Variants in DFFA observed in about 807,000 individuals in gnomAD.
DFFA encodes the protein DFF45.
A neutral mutation model predicts 28.0 loss-of-function variants in DFFA; 14 were observed. That is an observed-to-expected ratio of 0.50 (90% CI 0.33 to 0.78). The LOEUF is 0.78. DFFA is among the 30% of genes least tolerant of loss of function. The probability of loss-of-function intolerance (pLI) is 0.02; values close to 1 mark genes in which losing one functional copy is unlikely to be tolerated. For missense variants in DFFA, 395 were observed against 407.1 expected (o/e 0.97, Z 0.26); for synonymous variants, 158 against 170.3 (o/e 0.93, Z 0.56).
intron 3 of DFFA, among the ~76,000 whole-genome samples, chr1:10,465,450 G>A (rs951296752): frequency 1.3e-5 from 2 of 150,962 alleles, no homozygotes; most frequent in African/African-American, 4.9e-5. Context: ...ATTTTTAGTA[G>A]AGACGGGATT....
Position 10,459,599 on chromosome 1 carries a change from G to A in DFFA, c.*1891C>T, listed in dbSNP as rs559580429. ...CTGGAGAAACAAGATTGTGGCCATA[G>A]TCAACACTCTATAATGTCACCATCT... On this transcript the variant is annotated 3_prime_UTR_variant, in exon 6 of 6. Coordinates refer to ENST00000377038, the MANE Select transcript of DFFA (RefSeq NM_004401.3). 4 of 152,170 alleles carry A rather than the reference G, an allele frequency of 2.6e-5. No individual in the cohort carries two copies. The highest frequency in any genetic ancestry group is 2.1e-4 in the South Asian group (1 of 4,812). 9.4% of individuals were successfully genotyped at this position (152,170 alleles called of 1,614,324 possible).
In DFFA at chr1:10,470,770, A is replaced by G. The variant is rs143082645; in HGVS notation, c.137-1432T>C. ...CTCCTATGTGTAAAAATGTCAAAAAATACACCAAAAAGGCCAGGCACGGTG... is the reference window on the plus strand; with the variant it reads ...CTCCTATGTGTAAAAATGTCAAAAAGTACACCAAAAAGGCCAGGCACGGTG... On this transcript the variant is annotated intron_variant, in intron 1 of 5. Transcript: ENST00000377038. Among the ~76,000 whole-genome samples, 718 of 149,646 alleles carry G rather than the reference A, an allele frequency of 4.8e-3. 23 individuals are homozygous for G. The highest frequency in any genetic ancestry group is 0.044 in the Admixed American group (659 of 15,012).
chr1:10,466,952 CAAAAAAA>C (rs34597195), intron 3 of DFFA, among the ~76,000 whole-genome samples: 2 of 32,724 alleles, frequency 6.1e-5, no homozygotes, highest in African/African-American at 1.6e-4. Context: ...GACTGTGTCT[CAAAAAAA>C]AAAAAAAAAA....
At position 10,459,312 on chromosome 1, in the gene DFFA, C is replaced by T. The variant is rs563274991; in HGVS notation, c.*2178G>A. 7 of 152,338 alleles carry T rather than the reference C, an allele frequency of 4.6e-5. No homozygotes were observed. Among genetic ancestry groups the T allele is most frequent in the East Asian group, 3.9e-4 (2 of 5,192 alleles). 9.4% of individuals were successfully genotyped at this position (152,338 alleles called of 1,614,324 possible). ...TGTAGATTACCAAACCTGCAGAAGC[C>T]GTCTGTGTGGAGACAGGAGGAGGAC... On this transcript the variant is annotated 3_prime_UTR_variant, in exon 6 of 6. Transcript: ENST00000377038.
At chr1:10,469,114 G>C in intron 2 of DFFA, 63 bp downstream of exon 2, 2 of 1,511,228 alleles carry the variant, frequency 1.3e-6, no homozygotes, top group South Asian at 1.2e-5. Context: ...TCTGTGCAGT[G>C]AAAGTAATCA....
At chr1:10,466,509 G>A (rs986569411) in intron 3 of DFFA, among the ~76,000 whole-genome samples, 2 of 151,986 alleles carry the variant, frequency 1.3e-5, no homozygotes, top group African/African-American at 4.8e-5. Flanking sequence ...TTACTAGAGA[G>A]AAAACACAAG....
At chr1:10,469,036 G>T in intron 2 of DFFA, 141 bp downstream of exon 2, 1 of 870,534 alleles carries the variant, frequency 1.1e-6, no homozygotes, top group Non-Finnish European at 1.8e-6. Context: ...CACCATGTCT[G>T]GCACATAGAA....
chr1:10,457,452 C>T lies in DFFA; in HGVS notation c.*4038G>A, dbSNP rs916470369. The stretch of plus-strand genomic sequence containing the variant: ...CTTTGGGAGGCCAAGGCAGGTGGAT[C>T]ACTTGAGGTCAGGAGTTTGAGACCA... On this transcript the variant is annotated 3_prime_UTR_variant, in exon 6 of 6. Coordinates refer to ENST00000377038, the MANE Select transcript of DFFA (RefSeq NM_004401.3). The T allele has an allele frequency of 2.6e-4, 40 of 152,192 alleles. No homozygotes were observed. The highest frequency in any genetic ancestry group is 5.3e-4 in the Non-Finnish European group (36 of 68,108). The allele number at this position is 152,192 out of a possible 1,614,324, so 9.4% of individuals were successfully genotyped here. A position where few individuals can be genotyped will look rare whatever the true frequency, so the allele number is the denominator to read the frequency against.
At chr1:10,468,672 G>C (rs1336492462) in intron 2 of DFFA, among the ~76,000 whole-genome samples, 1 of 151,924 alleles carries the variant, frequency 6.6e-6, no homozygotes, top group Non-Finnish European at 1.5e-5. Context: ...TGAGCTCCCT[G>C]CCAGGCTGCA....
At chr1:10,463,321 C>G in intron 4 of DFFA, 110 bp downstream of exon 4, 1 of 1,545,420 alleles carries the variant, frequency 6.5e-7, no homozygotes, top group Non-Finnish European at 8.8e-7. Flanking sequence ...TCCCGCATCC[C>G]AGCAGCCGCG....
At position 10,460,103 on chromosome 1, in the gene DFFA, G is replaced by A. The variant is rs192644542; in HGVS notation, c.*1387C>T. On this transcript the variant is annotated 3_prime_UTR_variant, in exon 6 of 6. Transcript: ENST00000377038. ...CTACTAAAAATACAAAAATTAGCCG[G>A]GCATGGTGGCACGTGCCTGTAATCC... is the stretch of plus-strand genomic sequence containing the variant. 1 of 151,762 alleles carries A rather than the reference G, an allele frequency of 6.6e-6. No individual in the cohort carries two copies. The highest frequency in any genetic ancestry group is 1.5e-5 in the Non-Finnish European group (1 of 67,968). 9.4% of individuals were successfully genotyped at this position (151,762 alleles called of 1,614,324 possible).
intron 1 of DFFA, 139 bp from the exon 2 acceptor site, chr1:10,469,477 A>G (rs1023654704): frequency 2.4e-5 from 17 of 695,486 alleles, no homozygotes; most frequent in Non-Finnish European, 3.4e-5. Context: ...CATCACTTCT[A>G]GCACTACCAG....
chr1:10,467,144 G>C (rs763280107), intron 3 of DFFA, 46 bp downstream of exon 3: 3 of 1,608,624 alleles, frequency 1.9e-6, no homozygotes, highest in Non-Finnish European at 2.6e-6. Context: ...GGGGCGGGGG[G>C]CAGAGGCTGG....
intron 3 of DFFA, 29 bp from the exon 4 acceptor site, chr1:10,463,649 T>C: frequency 1.3e-6 from 2 of 1,579,016 alleles, no homozygotes; most frequent in Non-Finnish European, 1.7e-6. Context: ...CGCTTAGAAA[T>C]CTACAGGGAC....
rs1641113127 is a variant in DFFA, at chr1:10,472,464, A to G, written c.-6T>C. 6.2e-7 allele frequency: 1 copy of G among 1,604,164 alleles called. No individual in the cohort carries two copies. The highest frequency in any genetic ancestry group is 2.3e-5 in the East Asian group (1 of 44,158). On this transcript the variant is annotated 5_prime_UTR_variant, in exon 1 of 6. Coordinates refer to ENST00000377038, the MANE Select transcript of DFFA (RefSeq NM_004401.3). The surrounding 1 kb of genome is among the most constrained non-coding windows in gnomAD (Gnocchi z 5.0). ...GCGTCCCCGGTCACCTCCATCCTCC[A>G]CAAGGTGGGACCTGCCCACCTTCGA...
intron 1 of DFFA, among the ~76,000 whole-genome samples, chr1:10,471,423 A>C (rs1188421213): frequency 1.3e-5 from 2 of 152,226 alleles, no homozygotes; most frequent in Non-Finnish European, 2.9e-5. Flanking sequence ...GGGAATTAGA[A>C]GTAAAGTAAT....
rs1384348570 is a variant in DFFA, at chr1:10,461,104, G to GT, written c.*385dup. The GT allele has an allele frequency of 6.0e-6, 1 of 165,346 alleles. No individual in the cohort carries two copies. Among genetic ancestry groups the GT allele is most frequent in the Non-Finnish European group, 1.3e-5 (1 of 75,506 alleles). The allele number at this position is 165,346 out of a possible 1,614,324, so 10.2% of individuals were successfully genotyped here. A position where few individuals can be genotyped will look rare whatever the true frequency, so the allele number is the denominator to read the frequency against. On this transcript the variant is annotated 3_prime_UTR_variant, in exon 6 of 6. Transcript: ENST00000377038. Reference sequence around the variant, plus strand: ...TTTTTGTATTTTTAGTAGAGACAGGGTTTCACCATGTTAGCCAGGATGGTC... The same window carrying GT: ...TTTTTGTATTTTTAGTAGAGACAGGGTTTTCACCATGTTAGCCAGGATGGTC...
At chr1:10,470,833 G>A (rs984687818) in intron 1 of DFFA, among the ~76,000 whole-genome samples, 2 of 150,318 alleles carry the variant, frequency 1.3e-5, no homozygotes, top group Non-Finnish European at 3.0e-5. Context: ...GGAGGCCGAG[G>A]CGGGTGGATC....
At position 10,456,957 on chromosome 1, in the gene DFFA, G is replaced by A. The variant is rs1640869818; in HGVS notation, c.*4533C>T. ...GGTTATAGGGAAGGTAAATGGTAAT[G>A]GGACAATATGTCTGTGACCACGTTC... On this transcript the variant is annotated 3_prime_UTR_variant, in exon 6 of 6. Coordinates refer to ENST00000377038, the MANE Select transcript of DFFA (RefSeq NM_004401.3). 1.3e-5 allele frequency: 2 copies of A among 152,280 alleles called. No homozygotes were observed. The highest frequency in any genetic ancestry group is 3.9e-4 in the East Asian group (2 of 5,184). 9.4% of individuals were successfully genotyped at this position (152,280 alleles called of 1,614,324 possible).
Sources: gnomAD v4.1 joint callset for allele counts (sites outside exome capture counted in the v4.1 genomes callset) on GRCh38, gnomAD v4.1.1 for gene constraint, Gnocchi (gnomAD v3.1) non-coding constraint, MANE v1.5 for transcripts, NCBI Gene and HGNC (gene_info 2026-07-23, HGNC 2026-07-21) for gene names.